The following MAGI1 variants were observed in gnomAD, a reference collection of about 807,000 sequenced individuals.
MAGI1 encodes the protein membrane associated guanylate kinase, WW and PDZ domain containing 1.
In MAGI1, 58 loss-of-function variants were observed where a neutral mutation model predicts 139.9. The ratio of observed to expected loss-of-function variants is 0.41; its 90% confidence interval spans 0.34 to 0.52. The LOEUF (loss-of-function observed/expected upper bound fraction) is 0.52, where lower values mean the gene tolerates loss of function less well. Among genes scored for constraint, MAGI1 ranks in the 20% least tolerant of loss-of-function variants. The pLI is 0.12. For missense variants in MAGI1, 1,874 were observed against 1,901.6 expected (o/e 0.99, Z 0.27); for synonymous variants, 812 against 737.9 (o/e 1.10, Z -1.63).
chr3:65,755,418 T>C (rs1028550097), intron 1 of MAGI1, among the ~76,000 whole-genome samples: 1 of 152,184 alleles, frequency 6.6e-6, no homozygotes, highest in Admixed American at 6.5e-5. Flanking sequence ...CTTTGGTCTC[T>C]GATATCAGAA....
At chr3:65,361,898 TTAA>T (rs1186701256) in intron 21 of MAGI1, among the ~76,000 whole-genome samples, 2 of 152,184 alleles carry the variant, frequency 1.3e-5, no homozygotes, top group African/African-American at 4.8e-5. Flanking sequence ...GTGAGTGAGC[TTAA>T]AAAGCAAACC....
At chr3:65,931,681 T>A (rs757949611) in intron 1 of MAGI1, among the ~76,000 whole-genome samples, 3 of 152,078 alleles carry the variant, frequency 2.0e-5, no homozygotes, top group Non-Finnish European at 2.9e-5. Flanking sequence ...ACAGTAAAAG[T>A]CCACTTGCAT....
chr3:65,478,682 T>C lies in MAGI1; in HGVS notation c.667A>G (p.Lys223Glu), dbSNP rs759691772. 20 of 1,613,950 alleles carry C rather than the reference T, an allele frequency of 1.2e-5. No homozygotes were observed. The highest frequency in any genetic ancestry group is 1.5e-5 in the Non-Finnish European group (18 of 1,180,006). The change falls in exon 4 of 23, where the codon AAG becomes GAG. Residue 223 changes from lysine to glutamate, a missense_variant. By Grantham distance (56) the Lys-to-Glu change is moderately conservative (BLOSUM62 1). Around this residue, in one of 5 missense-constraint regions of MAGI1, gnomAD observed 648 missense variants for 598.1 expected, o/e 1.08. Coordinates refer to ENST00000402939, the MANE Select transcript of MAGI1 (RefSeq NM_001033057.2). ...GSKQSTPKRT[K>E]SYNDMQNAGI... ...GCATTTTGCATATCATTGTAGGACT[T>C]GGTTCGCTTCGGGGTCGACTGCTTA...
At position 65,478,687 on chromosome 3, in the gene MAGI1, C is replaced by G. The variant is rs756986553; in HGVS notation, c.662G>C (p.Arg221Pro). The G allele has an allele frequency of 6.2e-7, 1 of 1,613,892 alleles. No individual in the cohort carries two copies. Among genetic ancestry groups the G allele is most frequent in the African/African-American group, 1.3e-5 (1 of 74,870 alleles). The change falls in exon 4 of 23, where the codon CGA becomes CCA. Residue 221 changes from arginine to proline, a missense_variant. Arg to Pro is a moderately radical substitution (Grantham distance 103). This residue lies in a region of MAGI1 where 648 missense variants were observed against 598.1 expected (regional missense o/e 1.08). Coordinates refer to ENST00000402939, the MANE Select transcript of MAGI1 (RefSeq NM_001033057.2). ...TTGCATATCATTGTAGGACTTGGTTCGCTTCGGGGTCGACTGCTTAGAGCC... is the reference window on the plus strand; with the variant it reads ...TTGCATATCATTGTAGGACTTGGTTGGCTTCGGGGTCGACTGCTTAGAGCC... The part of the protein sequence containing the change: ...QSGSKQSTPK[R>P]TKSYNDMQNA...
At chr3:66,021,022 C>G (rs141265991) in intron 1 of MAGI1, among the ~76,000 whole-genome samples, 277 of 152,292 alleles carry the variant, frequency 1.8e-3, no homozygotes, top group African/African-American at 5.9e-3. Flanking sequence ...AAGCATCAAC[C>G]CAACGTATCA....
intron 9 of MAGI1, 137 bp downstream of exon 9, chr3:65,439,742 C>A: frequency 2.0e-6 from 3 of 1,524,470 alleles, no homozygotes; most frequent in Middle Eastern, 2.5e-4. Flanking sequence ...TCTTCCTCCC[C>A]ACAGGACATC....
intron 1 of MAGI1, among the ~76,000 whole-genome samples, chr3:65,920,330 A>G (rs1356628587): frequency 6.6e-6 from 1 of 152,246 alleles, no homozygotes; most frequent in Non-Finnish European, 1.5e-5. Flanking sequence ...ATTAAAAAAC[A>G]AGGGCTCTAA....
intron 2 of MAGI1, among the ~76,000 whole-genome samples, chr3:65,570,635 G>A (rs890081194): frequency 2.0e-5 from 3 of 152,102 alleles, no homozygotes; most frequent in Non-Finnish European, 4.4e-5. Flanking sequence ...TAATTCGGTG[G>A]CAGGAAAATA....
intron 1 of MAGI1, among the ~76,000 whole-genome samples, chr3:65,634,193 G>A (rs2084471843): frequency 6.6e-6 from 1 of 152,204 alleles, no homozygotes; most frequent in African/African-American, 2.4e-5. Flanking sequence ...GAGTATGACT[G>A]TCTGTGTTCT....
intron 14 of MAGI1, chr3:65,387,270 C>A (rs75360857): frequency 0.033 from 47,560 of 1,423,072 alleles, 1,956 homozygotes; most frequent in African/African-American, 0.19. Flanking sequence ...AATGTACATT[C>A]TTTCTCTTAG....
At chr3:65,591,320 A>C (rs981862198) in intron 2 of MAGI1, among the ~76,000 whole-genome samples, 27 of 151,556 alleles carry the variant, frequency 1.8e-4, no homozygotes, top group Non-Finnish European at 4.4e-5. Flanking sequence ...AAAAACCAAA[A>C]CCCTTGGAGT....
intron 2 of MAGI1, among the ~76,000 whole-genome samples, chr3:65,540,683 A>G (rs1323365099): frequency 9.2e-5 from 14 of 152,214 alleles, no homozygotes; most frequent in Admixed American, 9.2e-4. Context: ...GGTGCTAAGA[A>G]AGAGGTAATG....
At chr3:65,835,177 G>T (rs542885871) in intron 1 of MAGI1, among the ~76,000 whole-genome samples, 1 of 151,712 alleles carries the variant, frequency 6.6e-6, no homozygotes, top group East Asian at 1.9e-4. Context: ...CTTTTTCTAC[G>T]TTGTTCTGGG....
intron 1 of MAGI1, among the ~76,000 whole-genome samples, chr3:65,739,226 C>T (rs2035045147): frequency 6.6e-6 from 1 of 152,208 alleles, no homozygotes; most frequent in Admixed American, 6.5e-5. Context: ...CAGCTTCTTT[C>T]CTTAAACTTC....
In MAGI1 at chr3:65,366,289, C is replaced by T. The variant is rs183330868; in HGVS notation, c.3197-1343G>A. Among the ~76,000 whole-genome samples, 639 of 152,188 alleles carry T rather than the reference C, an allele frequency of 4.2e-3. 3 individuals are homozygous for T. Among genetic ancestry groups the T allele is most frequent in the Non-Finnish European group, 5.1e-3 (345 of 68,004 alleles). The stretch of plus-strand genomic sequence containing the variant: ...TAAGCTCTCTGCAAAATGAGAAAGT[C>T]GAAATATGATTTCAACAGTTAATTT... On this transcript the variant is annotated intron_variant, in intron 18 of 22. Transcript: ENST00000402939.
chr3:65,472,513 C>T (rs1559586343), intron 4 of MAGI1, among the ~76,000 whole-genome samples: 1 of 152,098 alleles, frequency 6.6e-6, no homozygotes. Flanking sequence ...ATGTAGAAAA[C>T]CAATTGTTTA....
chr3:65,496,791 T>C (rs1952489356), intron 2 of MAGI1, among the ~76,000 whole-genome samples: 1 of 152,204 alleles, frequency 6.6e-6, no homozygotes, highest in Non-Finnish European at 1.5e-5. Flanking sequence ...CTGCATGTCA[T>C]AGGTAAGTAT....
intron 1 of MAGI1, among the ~76,000 whole-genome samples, chr3:65,705,510 T>C (rs991927462): frequency 2.0e-5 from 3 of 152,212 alleles, no homozygotes; most frequent in African/African-American, 7.2e-5. Flanking sequence ...CAAAAAGAAA[T>C]TGTACAAGGT....
At chr3:65,622,556 T>C in intron 1 of MAGI1, among the ~76,000 whole-genome samples, 1 of 152,238 alleles carries the variant, frequency 6.6e-6, no homozygotes, top group South Asian at 2.1e-4. Flanking sequence ...CTACAGCTTT[T>C]TTTATTTTTT....
Sources: gnomAD v4.1 joint callset for allele counts (sites outside exome capture counted in the v4.1 genomes callset) on GRCh38, gnomAD v4.1.1 for gene constraint, gnomAD v4.1.1 regional missense constraint, MANE v1.5 for transcripts, NCBI Gene and HGNC (gene_info 2026-07-23, HGNC 2026-07-21) for gene names.